Variants in AQP9 observed in about 807,000 individuals in gnomAD.
AQP9 encodes the protein aquaporin 9.
AQP9 carries 19 observed loss-of-function variants against 23.8 expected under a neutral mutation model. That is an observed-to-expected ratio of 0.80 (90% CI 0.56 to 1.17). The LOEUF (loss-of-function observed/expected upper bound fraction) is 1.17. AQP9 is among the 50% of genes most tolerant of loss of function. The probability of loss-of-function intolerance (pLI) is 0.00; values close to 1 mark genes in which losing one functional copy is unlikely to be tolerated. For synonymous variants in AQP9, 153 were observed against 131.5 expected (o/e 1.16, Z -1.12); for missense variants, 413 against 362.0 (o/e 1.14, Z -1.14).
chr15:58,169,790 T>A (rs980356861), intron 2 of AQP9, among the ~76,000 whole-genome samples: 15 of 152,226 alleles, frequency 9.9e-5, no homozygotes. Context: ...TTATGTAGCA[T>A]CCTGCACAAA....
chr15:58,150,523 A>T lies in AQP9; in HGVS notation c.111+11847A>T, dbSNP rs544903312. On this transcript the variant is annotated intron_variant, in intron 1 of 5. Coordinates refer to ENST00000219919, the MANE Select transcript of AQP9 (RefSeq NM_020980.5). ...CCTGATATTGACACTTCATAGATAT[A>T]GTAAGACTATTCTTATATGTCTCTA... is the stretch of plus-strand genomic sequence containing the variant. 3.9e-5 allele frequency: 6 copies of T among 152,780 alleles called. No homozygotes were observed. The East Asian group carries it at 1.2e-3, about 29-fold the overall frequency. The allele number at this position is 152,780 out of a possible 1,614,324, so 9.5% of individuals were successfully genotyped here.
chr15:58,158,284 T>C (rs559701006), intron 1 of AQP9, among the ~76,000 whole-genome samples: 1 of 152,312 alleles, frequency 6.6e-6, no homozygotes, highest in Admixed American at 6.5e-5. Flanking sequence ...TCTGATGACC[T>C]CTTGTTCCAT....
rs1406650536 is a variant in AQP9 at position 58,185,385 on chromosome 15, G to C, written c.*1250G>C. Reference sequence around the variant, plus strand: ...GAATATGTACACCTCTGGACAAAATGTTCCTCAATCTTAAGATACAAAGAC... The same window carrying C: ...GAATATGTACACCTCTGGACAAAATCTTCCTCAATCTTAAGATACAAAGAC... On this transcript the variant is annotated 3_prime_UTR_variant, in exon 6 of 6. Transcript: ENST00000219919. The C allele has an allele frequency of 1.3e-5, 2 of 152,620 alleles. No individual in the cohort carries two copies. Among genetic ancestry groups the C allele is most frequent in the East Asian group, 3.9e-4 (2 of 5,194 alleles). The allele number at this position is 152,620 out of a possible 1,614,324, so 9.5% of individuals were successfully genotyped here.
Position 58,166,761 on chromosome 15 carries a change from C to T in AQP9, c.200C>T (p.Ala67Val). Residue 67 changes from alanine to valine, a missense_variant, in exon 2 of 6, where the codon GCA becomes GTA. Coordinates refer to ENST00000219919, the MANE Select transcript of AQP9 (RefSeq NM_020980.5). ...ACTATCAATGTTGGATTTTCAATGG[C>T]AGTTGCAATGGCCATTTATGTGGCT... is the stretch of plus-strand genomic sequence containing the variant. ...VITINVGFSM[A>V]VAMAIYVAGG... 1 of 1,613,952 alleles carries T rather than the reference C, an allele frequency of 6.2e-7. No homozygotes were observed. Among genetic ancestry groups the T allele is most frequent in the Non-Finnish European group, 8.5e-7 (1 of 1,179,850 alleles).
intron 1 of AQP9, among the ~76,000 whole-genome samples, chr15:58,143,727 C>T (rs1897991022): frequency 6.6e-6 from 1 of 152,138 alleles, no homozygotes; most frequent in Admixed American, 6.5e-5. Context: ...AATTTGGGAA[C>T]ATGTATGACT....
chr15:58,167,493 C>G (rs1387102686), intron 2 of AQP9, among the ~76,000 whole-genome samples: 1 of 152,200 alleles, frequency 6.6e-6, no homozygotes. Flanking sequence ...ACCATGCATG[C>G]TGAGCACTGT....
chr15:58,166,840 A>C (rs745769397), intron 2 of AQP9, 41 bp downstream of exon 2: 16 of 1,606,332 alleles, frequency 1.0e-5, no homozygotes, highest in Non-Finnish European at 1.3e-5. Flanking sequence ...TAATTCAGCC[A>C]CTCCAATGTG....
intron 1 of AQP9, 44 bp downstream of exon 1, chr15:58,138,720 C>T (rs1238137067): frequency 3.3e-6 from 5 of 1,532,460 alleles, no homozygotes; most frequent in African/African-American, 1.4e-5. Flanking sequence ...AATAATGCCT[C>T]CCTAGCTGCC....
At chr15:58,147,337 T>A (rs1318411597) in intron 1 of AQP9, among the ~76,000 whole-genome samples, 1 of 152,092 alleles carries the variant, frequency 6.6e-6, no homozygotes, top group East Asian at 1.9e-4. Flanking sequence ...TGGCCCTTAT[T>A]TACTCATCAG....
intron 1 of AQP9, chr15:58,150,431 A>G (rs1898127186): frequency 6.6e-6 from 1 of 152,582 alleles, no homozygotes; most frequent in Non-Finnish European, 1.5e-5. Context: ...ATTTCTCACT[A>G]TCTGCCTCCT....
rs191037543 is a variant in AQP9, at chr15:58,175,149, C to G, written c.495+113C>G. 2.6e-4 allele frequency: 277 copies of G among 1,060,444 alleles called. No individual in the cohort carries two copies. In the African/African-American group the frequency reaches 4.0e-3, roughly 15 times the overall value. The allele number at this position is 1,060,444 out of a possible 1,614,324, so 65.7% of individuals were successfully genotyped here. ...AAAGGAGAGATTATATTTCCAAAGG[C>G]AGAGGTTGCTGGGCATAACCCAAGC... On this transcript the variant is annotated intron_variant, in intron 4 of 5. Coordinates refer to ENST00000219919, the MANE Select transcript of AQP9 (RefSeq NM_020980.5).
At chr15:58,156,042 G>C (rs1423208261) in intron 1 of AQP9, 3 of 152,062 alleles carry the variant, frequency 2.0e-5, no homozygotes, top group Admixed American at 2.0e-4. Context: ...CGCCCTAATT[G>C]AAAACAAATT....
At chr15:58,158,401 T>A (rs368421944) in intron 1 of AQP9, among the ~76,000 whole-genome samples, 1 of 152,186 alleles carries the variant, frequency 6.6e-6, no homozygotes, top group East Asian at 1.9e-4. Context: ...TTTGCTTTGA[T>A]CTTTCTCAGC....
At chr15:58,140,890 A>G (rs1351576421) in intron 1 of AQP9, among the ~76,000 whole-genome samples, 3 of 152,110 alleles carry the variant, frequency 2.0e-5, no homozygotes, top group Non-Finnish European at 4.4e-5. Context: ...TCCCCAACAC[A>G]TGGGCCACGG....
At chr15:58,138,741 T>C (rs772517511) in intron 1 of AQP9, 65 bp downstream of exon 1, 13 of 1,386,864 alleles carry the variant, frequency 9.4e-6, no homozygotes, top group Non-Finnish European at 1.1e-5. Context: ...AGGCTGGTAG[T>C]GGAGAGTTTT....
intron 1 of AQP9, among the ~76,000 whole-genome samples, chr15:58,148,750 G>A (rs1471907875): frequency 1.3e-5 from 2 of 152,184 alleles, no homozygotes; most frequent in Non-Finnish European, 2.9e-5. Flanking sequence ...GAAAAGGAGA[G>A]CATTGTTCTT....
chr15:58,149,532 T>C (rs568830741), intron 1 of AQP9, among the ~76,000 whole-genome samples: 2 of 152,334 alleles, frequency 1.3e-5, no homozygotes, highest in South Asian at 2.1e-4. Context: ...TCATAGGTCA[T>C]TGTGAGGACT....
At chr15:58,139,105 T>C (rs1274770966) in intron 1 of AQP9, among the ~76,000 whole-genome samples, 2 of 152,210 alleles carry the variant, frequency 1.3e-5, no homozygotes, top group Non-Finnish European at 2.9e-5. Flanking sequence ...AATATACATA[T>C]GGATGGCAAG....
intron 2 of AQP9, among the ~76,000 whole-genome samples, chr15:58,168,071 G>C (rs532234585): frequency 3.9e-5 from 6 of 152,086 alleles, no homozygotes; most frequent in African/African-American, 7.2e-5. Context: ...GCCCAGGCTG[G>C]AGTGTCGTGG....
Sources: gnomAD v4.1 joint callset for allele counts (sites outside exome capture counted in the v4.1 genomes callset) on GRCh38, gnomAD v4.1.1 for gene constraint, MANE v1.5 for transcripts, NCBI Gene and HGNC (gene_info 2026-07-23, HGNC 2026-07-21) for gene names.